FSTL4: variants seen among roughly 807,000 people sequenced by gnomAD.
FSTL4 encodes follistatin-related protein 4.
In FSTL4, 28 loss-of-function variants were observed where a neutral mutation model predicts 78.2. That is an observed-to-expected ratio of 0.36 (90% CI 0.27 to 0.49). The LOEUF (loss-of-function observed/expected upper bound fraction) is 0.49, where lower values mean the gene tolerates loss of function less well. Ranked by LOEUF, FSTL4 falls within the 20% of genes least tolerant of loss-of-function variation. The pLI, the probability that FSTL4 is intolerant of heterozygous loss-of-function variation, is 0.98. For missense variants in FSTL4, 922 were observed against 1,084.9 expected, an observed-to-expected ratio of 0.85 and a Z score of 2.11; for synonymous variants, 422 against 440.5, an observed-to-expected ratio of 0.96 and a Z score of 0.53.
At chr5:133,512,824 CT>C (rs11436815) in intron 3 of FSTL4, among the ~76,000 whole-genome samples, 57,831 of 149,044 alleles carry the variant, frequency 0.39, 12,315 homozygotes, top group East Asian at 0.62. Flanking sequence ...GATTTTCTTC[CT>C]TTTTTTTTTT....
chr5:133,684,248 G>T, the FSTL4 span, among the ~76,000 whole-genome samples: 1 of 152,258 alleles, frequency 6.6e-6, no homozygotes, highest in Non-Finnish European at 1.5e-5. Context: ...TGCTCACCTT[G>T]TCTGGGCAGC....
chr5:133,622,800 A>G, the FSTL4 span, among the ~76,000 whole-genome samples: 1 of 152,126 alleles, frequency 6.6e-6, no homozygotes, highest in African/African-American at 2.4e-5. Context: ...TACATTCAAG[A>G]TGCTAGTTCT....
the FSTL4 span, among the ~76,000 whole-genome samples, chr5:133,805,178 T>C: frequency 6.6e-6 from 1 of 151,878 alleles, no homozygotes. Flanking sequence ...CATTTCCCCA[T>C]TGAGCTTGAG....
chr5:133,255,552 C>A (rs1208613375), intron 6 of FSTL4, among the ~76,000 whole-genome samples: 1 of 152,224 alleles, frequency 6.6e-6, no homozygotes, highest in Non-Finnish European at 1.5e-5. Flanking sequence ...CAGTGGGATT[C>A]TGGGCAGGGC....
chr5:133,546,437 C>T (rs191189220), intron 3 of FSTL4, among the ~76,000 whole-genome samples: 8 of 142,374 alleles, frequency 5.6e-5, no homozygotes, highest in African/African-American at 1.6e-4. Flanking sequence ...GCCCAGGAGA[C>T]GGAGGTTGCA....
chr5:133,760,134 C>G, the FSTL4 span, among the ~76,000 whole-genome samples: 2 of 152,176 alleles, frequency 1.3e-5, no homozygotes, highest in Non-Finnish European at 2.9e-5. Context: ...AGCATCAGCC[C>G]TGTCGTGACT....
intron 2 of FSTL4, among the ~76,000 whole-genome samples, chr5:133,587,821 C>T (rs374512127): frequency 3.7e-3 from 3 of 814 alleles, no homozygotes; most frequent in South Asian, 0.1. Flanking sequence ...GAGCCCGCAT[C>T]GCCAAGTCAA....
chr5:133,214,393 A>G (rs1447540798), intron 13 of FSTL4, among the ~76,000 whole-genome samples: 3 of 152,198 alleles, frequency 2.0e-5, no homozygotes, highest in African/African-American at 7.2e-5. Flanking sequence ...TTGCCAAGAG[A>G]AACACGACCC....
chr5:133,327,329 G>T (rs1208699309), intron 4 of FSTL4, among the ~76,000 whole-genome samples: 1 of 152,180 alleles, frequency 6.6e-6, no homozygotes, highest in Non-Finnish European at 1.5e-5. Context: ...ATGGGGTGAG[G>T]CCCGGAAAGC....
Position 133,249,463 on chromosome 5 carries a change from T to G in FSTL4, c.841A>C (p.Ile281Leu). The change falls in exon 7 of 16, where the codon ATC becomes CTC. Residue 281 changes from isoleucine (I) to leucine (L), a missense_variant. Ile to Leu is a conservative substitution (Grantham distance 5). Coordinates refer to ENST00000265342, the MANE Select transcript of FSTL4 (RefSeq NM_015082.2). ...AGGGTGAGCCCGTTGCGCTTCCAGA[T>G]GATTGGTGGCCTCAGGTCTCCATGG... ...AVHGDLRPPI[I>L]WKRNGLTLNF... 6.2e-7 allele frequency: 1 copy of G among 1,614,006 alleles called. No homozygotes were observed. The highest frequency in any genetic ancestry group is 8.5e-7 in the Non-Finnish European group (1 of 1,179,908).
chr5:133,607,531 C>G (rs1233505679), intron 1 of FSTL4, among the ~76,000 whole-genome samples: 1 of 152,160 alleles, frequency 6.6e-6, no homozygotes, highest in Non-Finnish European at 1.5e-5. Flanking sequence ...TCTGCCAAGG[C>G]CATGTGGCAG....
chr5:133,715,742 T>C, the FSTL4 span, among the ~76,000 whole-genome samples: 1 of 152,114 alleles, frequency 6.6e-6, no homozygotes, highest in African/African-American at 2.4e-5. Context: ...GGTAAGTAAA[T>C]GCACACCCTA....
chr5:133,377,411 G>A (rs1200677147), intron 4 of FSTL4, among the ~76,000 whole-genome samples: 1 of 152,232 alleles, frequency 6.6e-6, no homozygotes, highest in Non-Finnish European at 1.5e-5. Context: ...GCAGTGGCTT[G>A]GAGATTTTGG....
intron 4 of FSTL4, among the ~76,000 whole-genome samples, chr5:133,370,812 A>T (rs1214573099): frequency 6.6e-6 from 1 of 152,048 alleles, no homozygotes; most frequent in East Asian, 1.9e-4. Flanking sequence ...GAGAAGAAGG[A>T]AAGAAAGCCA....
chr5:133,822,455 C>G, the FSTL4 span, among the ~76,000 whole-genome samples: 1 of 152,178 alleles, frequency 6.6e-6, no homozygotes, highest in African/African-American at 2.4e-5. Flanking sequence ...TTCATTCATT[C>G]AAAATTGCTC....
intron 3 of FSTL4, among the ~76,000 whole-genome samples, chr5:133,554,864 G>A (rs1328071867): frequency 1.3e-5 from 2 of 152,202 alleles, no homozygotes; most frequent in Admixed American, 6.5e-5. Flanking sequence ...AAACCGCGCT[G>A]CTAGATTCAC....
intron 3 of FSTL4, among the ~76,000 whole-genome samples, chr5:133,520,186 A>C (rs1758947480): frequency 6.6e-6 from 1 of 152,018 alleles, no homozygotes. Flanking sequence ...TTAAAACCAC[A>C]GGTTTGGGGA....
intron 3 of FSTL4, among the ~76,000 whole-genome samples, chr5:133,441,143 CA>C (rs200909980): frequency 6.6e-6 from 1 of 152,086 alleles, no homozygotes; most frequent in East Asian, 1.9e-4. Context: ...CAAGACGGGG[CA>C]AATTAATGAG....
rs548932268 is a variant in FSTL4, at chr5:133,555,666, A to C, written c.160+11520T>G. On this transcript the variant is annotated intron_variant, in intron 3 of 15. Transcript: ENST00000265342. ...CTTTACAGGCCTACTGTTTTTAAAA[A>C]ATAAACACACACACACAAAACAGAA... Among the ~76,000 whole-genome samples, 14 of 152,246 alleles carry C rather than the reference A, an allele frequency of 9.2e-5. No homozygotes were observed. The South Asian group carries it at 2.7e-3, about 29-fold the overall frequency.
Sources: gnomAD v4.1 joint callset for allele counts (sites outside exome capture counted in the v4.1 genomes callset) on GRCh38, gnomAD v4.1.1 for gene constraint, MANE v1.5 for transcripts, NCBI Gene and HGNC (gene_info 2026-07-23, HGNC 2026-07-21) for gene names.